The following ZNF821 variants were observed in gnomAD, a reference collection of about 807,000 sequenced individuals.
ZNF821 encodes zinc finger protein 821.
A neutral mutation model predicts 44.3 loss-of-function variants in ZNF821; 16 were observed. That is an observed-to-expected ratio of 0.36 (90% CI 0.24 to 0.55). The LOEUF is 0.55. ZNF821 is among the 20% of genes least tolerant of loss of function. The pLI is 0.86. For missense variants in ZNF821, 436 were observed against 547.6 expected, an observed-to-expected ratio of 0.80 and a Z score of 2.03; for synonymous variants, 204 against 197.6, an observed-to-expected ratio of 1.03 and a Z score of -0.27.
intron 2 of ZNF821, chr16:71,881,874 G>A (rs1406667169): frequency 6.6e-6 from 1 of 152,410 alleles, no homozygotes; most frequent in Non-Finnish European, 1.5e-5. Context: ...GGGAAGCTGA[G>A]GCATGAGAAT....
In ZNF821 at chr16:71,873,329, A is replaced by G. The variant is rs543021321; in HGVS notation, c.41-5292T>C. Among the ~76,000 whole-genome samples the G allele has an allele frequency of 4.6e-5, 7 of 152,246 alleles. No individual in the cohort carries two copies. The East Asian group carries it at 1.2e-3, about 25-fold the overall frequency. ...TGAGCAGGATGCTGTCTCAAAAAAAAAAAAACTGTACTCAGAAGGGGTAAA... is the reference window on the plus strand; with the variant it reads ...TGAGCAGGATGCTGTCTCAAAAAAAGAAAAACTGTACTCAGAAGGGGTAAA... On this transcript the variant is annotated intron_variant, in intron 3 of 7. Transcript: ENST00000425432.
At chr16:71,894,917 C>T (rs2036931755) in exon 1 of ZNF821, 1 of 1,196,470 alleles carries the variant, frequency 8.4e-7, no homozygotes, top group African/African-American at 1.5e-5. Flanking sequence ...TCGCCAGAGA[C>T]TGTGGTGCTG....
At chr16:71,861,133 C>T (rs568348564) in intron 7 of ZNF821, among the ~76,000 whole-genome samples, 9 of 152,338 alleles carry the variant, frequency 5.9e-5, no homozygotes, top group African/African-American at 1.7e-4. Flanking sequence ...GGATTACAGG[C>T]GTGAGCCACT....
chr16:71,863,563 A>C (rs2034176523), intron 6 of ZNF821, among the ~76,000 whole-genome samples: 1 of 151,986 alleles, frequency 6.6e-6, no homozygotes, highest in Admixed American at 6.6e-5. Flanking sequence ...ATTTAAAAAA[A>C]AATTTTGTAG....
chr16:71,880,018 G>A lies in ZNF821; in HGVS notation c.-72C>T. On this transcript the variant is annotated 5_prime_UTR_variant, in exon 3 of 8. Transcript: ENST00000425432. ...ATATGTTACTACCTCCTTGCAAGATGCTAACCTGCAATAAAAAAGGTTATT... is the reference window on the plus strand; with the variant it reads ...ATATGTTACTACCTCCTTGCAAGATACTAACCTGCAATAAAAAAGGTTATT... 7.1e-7 allele frequency: 1 copy of A among 1,403,474 alleles called. No homozygotes were observed. The highest frequency in any genetic ancestry group is 9.9e-7 in the Non-Finnish European group (1 of 1,012,912). The allele number at this position is 1,403,474 out of a possible 1,614,324, so 86.9% of individuals were successfully genotyped here.
chr16:71,883,818 G>C (rs2036689832), intron 1 of ZNF821, 90 bp downstream of exon 1: 1 of 152,500 alleles, frequency 6.6e-6, no homozygotes. Flanking sequence ...CCCCAGTGCA[G>C]ACAAAAGGAC....
intron 4 of ZNF821, among the ~76,000 whole-genome samples, chr16:71,867,063 A>G (rs1167481154): frequency 1.3e-5 from 2 of 152,242 alleles, no homozygotes; most frequent in Admixed American, 1.3e-4. Flanking sequence ...AACTTGTAAC[A>G]GCTACTGTCG....
chr16:71,865,777 A>C (rs902478704), intron 4 of ZNF821, among the ~76,000 whole-genome samples: 3 of 152,214 alleles, frequency 2.0e-5, no homozygotes, highest in African/African-American at 7.2e-5. Flanking sequence ...CTCAATGGGT[A>C]ACCGAATGCA....
At chr16:71,883,681 ACCCCGCGCCCCGCG>A (rs1028370306) in intron 1 of ZNF821, 3 of 151,870 alleles carry the variant, frequency 2.0e-5, no homozygotes, top group African/African-American at 4.8e-5. Flanking sequence ...CCGGCCCCGC[ACCCCGCGCCCCGCG>A]CCCGAGAGCG....
At chr16:71,864,109 T>C in intron 6 of ZNF821, 29 bp downstream of exon 6, 1 of 1,590,362 alleles carries the variant, frequency 6.3e-7, no homozygotes, top group South Asian at 1.1e-5. Flanking sequence ...ACACTTGTGT[T>C]CCAGAGCACA....
At chr16:71,877,313 T>G (rs1258451230) in intron 3 of ZNF821, among the ~76,000 whole-genome samples, 4 of 152,204 alleles carry the variant, frequency 2.6e-5, no homozygotes, top group Middle Eastern at 3.4e-3. Flanking sequence ...CAGACTGGAG[T>G]GCAGTGGCAT....
chr16:71,879,659 T>G (rs976989936), intron 3 of ZNF821, among the ~76,000 whole-genome samples: 1 of 152,162 alleles, frequency 6.6e-6, no homozygotes, highest in African/African-American at 2.4e-5. Context: ...ATATATCAAG[T>G]GTACATACCC....
chr16:71,894,895 A>G, exon 1 of ZNF821: 1 of 1,369,632 alleles, frequency 7.3e-7, no homozygotes, highest in African/African-American at 1.4e-5. Context: ...ATACCGAGAT[A>G]AATTAGGGAA....
intron 3 of ZNF821, among the ~76,000 whole-genome samples, chr16:71,872,899 A>G (rs2035373944): frequency 6.6e-6 from 1 of 152,258 alleles, no homozygotes; most frequent in African/African-American, 2.4e-5. Flanking sequence ...TGTGTTTTAC[A>G]ATCTGAAAGC....
intron 2 of ZNF821, 166 bp downstream of exon 2, chr16:71,883,045 C>G (rs944148965): frequency 2.2e-6 from 1 of 451,330 alleles, no homozygotes; most frequent in Non-Finnish European, 4.4e-6. Context: ...TTCTGTCTGT[C>G]TTCAGAGCAA....
chr16:71,880,918 G>C (rs975101287), intron 2 of ZNF821, among the ~76,000 whole-genome samples: 9 of 152,204 alleles, frequency 5.9e-5, no homozygotes, highest in African/African-American at 2.2e-4. Context: ...GGATATATAC[G>C]TAAGCCTGAA....
intron 3 of ZNF821, among the ~76,000 whole-genome samples, chr16:71,874,131 G>C (rs1376512191): frequency 6.6e-6 from 1 of 151,182 alleles, no homozygotes; most frequent in African/African-American, 2.4e-5. Flanking sequence ...GCTAATTTTT[G>C]TATTTTTTTT....
intron 1 of ZNF821, chr16:71,894,851 A>C: frequency 6.5e-7 from 1 of 1,533,750 alleles, no homozygotes; most frequent in Non-Finnish European, 8.7e-7. Context: ...TTCAAGTTAA[A>C]AACAAAGGTA....
intron 2 of ZNF821, 151 bp downstream of exon 2, chr16:71,883,060 A>G: frequency 8.8e-6 from 4 of 455,880 alleles, no homozygotes; most frequent in Non-Finnish European, 1.8e-5. Context: ...GAGCAAGGTT[A>G]AGAGTCCTCG....
Sources: allele counts gnomAD v4.1 joint callset (sites outside exome capture counted in the v4.1 genomes callset), GRCh38; gene constraint gnomAD v4.1.1; transcripts MANE v1.5; gene names NCBI Gene and HGNC (gene_info 2026-07-23, HGNC 2026-07-21).